The following PGLYRP3 variants were observed in gnomAD, a reference collection of about 807,000 sequenced individuals.
The protein encoded by PGLYRP3 is peptidoglycan recognition protein I alpha.
PGLYRP3 carries 39 observed loss-of-function variants against 36.0 expected under a neutral mutation model. That is an observed-to-expected ratio of 1.08 (90% CI 0.84 to 1.41). PGLYRP3 has a LOEUF of 1.41. Ranked by LOEUF, PGLYRP3 falls within the 40% of genes most tolerant of loss-of-function variation. PGLYRP3 has a pLI of 0.00. For missense variants in PGLYRP3, 407 were observed against 427.9 expected (o/e 0.95, Z 0.43); for synonymous variants, 204 against 172.8 (o/e 1.18, Z -1.42).
rs1159432245 is a variant in PGLYRP3, at chr1:153,297,451, GGAGAGA to G, written c.*499_*504del. 2.7e-4 allele frequency among the ~76,000 whole-genome samples: 10 copies of G among 37,384 alleles called. No individual in the cohort carries two copies. Among genetic ancestry groups the G allele is most frequent in the African/African-American group, 8.2e-4 (8 of 9,762 alleles). The allele number at this position is 37,384 out of a possible 152,430, so 24.5% of individuals were successfully genotyped here. A position where few individuals can be genotyped will look rare whatever the true frequency, so the allele number is the denominator to read the frequency against. On this transcript the variant is annotated 3_prime_UTR_variant, in exon 8 of 8. Transcript: ENST00000683862. ...TCACCAGGCAGAGGCGGGGAGAGGGGGAGAGAGAGAGAGAGAGAGAGAGAGTGAGAA... is the reference window on the plus strand; with the variant it reads ...TCACCAGGCAGAGGCGGGGAGAGGGGGAGAGAGAGAGAGAGAGAGTGAGAA...
Position 153,307,132 on chromosome 1 carries a change from C to T in PGLYRP3, c.191G>A (p.Ser64Asn), listed in dbSNP as rs200029112. The T allele has an allele frequency of 4.3e-6, 7 of 1,613,188 alleles. No individual in the cohort carries two copies. Among genetic ancestry groups the T allele is most frequent in the East Asian group, 2.2e-5 (1 of 44,846 alleles). Reference protein sequence around the residue: ...GMQCQQQSVCSQMLRGLQSHS... With the variant: ...GMQCQQQSVCNQMLRGLQSHS... ...GGACTGCAACCCCCGCAGCATCTGG[C>T]TGCAAACGCTCTGCTGCTGGCACTG... is the stretch of plus-strand genomic sequence containing the variant. Residue 64 changes from serine (S) to asparagine (N), a missense_variant, in exon 3 of 8, where the codon AGC (serine) becomes AAC (asparagine). Coordinates refer to ENST00000683862, the MANE Select transcript of PGLYRP3 (RefSeq NM_052891.3).
At chr1:153,307,023 G>A (rs368951441) in intron 3 of PGLYRP3, 43 bp downstream of exon 3, 82 of 1,591,476 alleles carry the variant, frequency 5.2e-5, no homozygotes, top group South Asian at 6.7e-5. Context: ...AAGCACCCCC[G>A]TGACTTTGGA....
intron 5 of PGLYRP3, among the ~76,000 whole-genome samples, chr1:153,303,441 T>C (rs535639366): frequency 6.6e-6 from 1 of 152,348 alleles, no homozygotes; most frequent in African/African-American, 2.4e-5. Context: ...TTTTTCTCCA[T>C]AGCTTTTATG....
At chr1:153,304,080 G>A in intron 4 of PGLYRP3, 71 bp from the exon 5 acceptor site, 2 of 1,436,576 alleles carry the variant, frequency 1.4e-6, no homozygotes, top group Non-Finnish European at 1.9e-6. Flanking sequence ...CCTGCAGAAA[G>A]GATGATATGA....
chr1:153,312,280 C>T (rs2101530297), intron 1 of PGLYRP3, among the ~76,000 whole-genome samples: 1 of 152,266 alleles, frequency 6.6e-6, no homozygotes, highest in East Asian at 1.9e-4. Flanking sequence ...CAAGGATTTA[C>T]CACCTTGGCT....
chr1:153,311,790 T>G (rs1659901912), intron 1 of PGLYRP3, among the ~76,000 whole-genome samples: 1 of 152,156 alleles, frequency 6.6e-6, no homozygotes, highest in South Asian at 2.1e-4. Flanking sequence ...AATGGAAAAT[T>G]TTTAAAACCA....
At position 153,310,511 on chromosome 1, in the gene PGLYRP3, A is replaced by G. The variant is rs1478345801; in HGVS notation, c.55+100T>C. On this transcript the variant is annotated intron_variant, in intron 2 of 7. Coordinates refer to ENST00000683862, the MANE Select transcript of PGLYRP3 (RefSeq NM_052891.3). ...AAATTGCAAAGCTACACTATCCACT[A>G]ACAAAGTGAAAGCACTCGGATGGGT... 7 of 1,280,652 alleles carry G rather than the reference A, an allele frequency of 5.5e-6. No homozygotes were observed. The South Asian group carries it at 7.2e-5, about 13-fold the overall frequency. 79.3% of individuals were successfully genotyped at this position (1,280,652 alleles called of 1,614,324 possible). A position where few individuals can be genotyped will look rare whatever the true frequency, so the allele number is the denominator to read the frequency against.
rs918244220 is a variant in PGLYRP3, at chr1:153,297,581, G to GAAAGAAAGAAAGAAAGAAAGAAAGA, written c.*374_*375insTCTTTCTTTCTTTCTTTCTTTCTTT. 2.7e-4 allele frequency among the ~76,000 whole-genome samples: 13 copies of GAAAGAAAGAAAGAAAGAAAGAAAGA among 48,468 alleles called. No individual in the cohort carries two copies. The highest frequency in any genetic ancestry group is 8.9e-4 in the African/African-American group (13 of 14,568). 31.8% of individuals were successfully genotyped at this position (48,468 alleles called of 152,430 possible). A position where few individuals can be genotyped will look rare whatever the true frequency, so the allele number is the denominator to read the frequency against. ...AAAGAAAAAGAAAGAAAGAAAGAAA[G>GAAAGAAAGAAAGAAAGAAAGAAAGA]AAGAAAGAAAGAAAGAAAGAAAGAG... On this transcript the variant is annotated 3_prime_UTR_variant, in exon 8 of 8. Transcript: ENST00000683862.
intron 6 of PGLYRP3, among the ~76,000 whole-genome samples, chr1:153,299,919 G>A (rs1204977551): frequency 1.3e-5 from 2 of 152,066 alleles, no homozygotes; most frequent in Non-Finnish European, 2.9e-5. Context: ...CAACTGCCAC[G>A]ATCCCACTGC....
chr1:153,312,652 C>G lies in PGLYRP3; in HGVS notation c.-51G>C, dbSNP rs146124005. Among the ~76,000 whole-genome samples, 1 of 152,016 alleles carries G rather than the reference C, an allele frequency of 6.6e-6. No individual in the cohort carries two copies. The highest frequency in any genetic ancestry group is 1.5e-5 in the Non-Finnish European group (1 of 68,006). ...TCAAACTCACAGATACCTGTGGGTT[C>G]TGTGCTGTTCCAGCCCAGCAGGTCA... On this transcript the variant is annotated 5_prime_UTR_variant, in exon 1 of 8. Coordinates refer to ENST00000683862, the MANE Select transcript of PGLYRP3 (RefSeq NM_052891.3).
At chr1:153,311,479 C>G (rs1458269685) in intron 1 of PGLYRP3, among the ~76,000 whole-genome samples, 1 of 152,154 alleles carries the variant, frequency 6.6e-6, no homozygotes, top group African/African-American at 2.4e-5. Flanking sequence ...TCCAGAGCCT[C>G]TGCCTGAAAC....
At chr1:153,300,271 G>A (rs963912401) in intron 6 of PGLYRP3, among the ~76,000 whole-genome samples, 2 of 151,974 alleles carry the variant, frequency 1.3e-5, no homozygotes, top group Non-Finnish European at 2.9e-5. Flanking sequence ...AAACCCCACT[G>A]CTTATCCATG....
intron 2 of PGLYRP3, among the ~76,000 whole-genome samples, chr1:153,307,880 T>C (rs760974702): frequency 6.6e-6 from 1 of 152,070 alleles, no homozygotes; most frequent in Non-Finnish European, 1.5e-5. Context: ...GGGCTCCCTT[T>C]CTCCATTCTC....
intron 6 of PGLYRP3, among the ~76,000 whole-genome samples, chr1:153,299,812 G>A (rs1353229908): frequency 6.6e-6 from 1 of 152,106 alleles, no homozygotes; most frequent in East Asian, 1.9e-4. Context: ...CACCCTGAAT[G>A]CCTTCTACCC....
rs1219078922 is a variant in PGLYRP3 at position 153,297,556 on chromosome 1, A to G, written c.*400T>C. On this transcript the variant is annotated 3_prime_UTR_variant, in exon 8 of 8. Coordinates refer to ENST00000683862, the MANE Select transcript of PGLYRP3 (RefSeq NM_052891.3). ...GAAGGAAGGAAGGAAGGAAGGAAAG[A>G]AAGAAAAAGAAAGAAAGAAAGAAAG... 1.1e-5 allele frequency among the ~76,000 whole-genome samples: 1 copy of G among 93,878 alleles called. No individual in the cohort carries two copies. Among genetic ancestry groups the G allele is most frequent in the Non-Finnish European group, 2.5e-5 (1 of 40,606 alleles). The allele number at this position is 93,878 out of a possible 152,430, so 61.6% of individuals were successfully genotyped here.
chr1:153,307,210 G>A lies in PGLYRP3; in HGVS notation c.113C>T (p.Ala38Val). 1.2e-6 allele frequency: 2 copies of A among 1,611,688 alleles called. No homozygotes were observed. The highest frequency in any genetic ancestry group is 1.7e-6 in the Non-Finnish European group (2 of 1,179,124). ...GTAGGCCACAGGCAGGGTCAGCAGG[G>A]CCCTGCAGGCGAGCGGTCTTGCCCC... Reference protein sequence around the residue: ...EWGARPLACRALLTLPVAYII... With the variant: ...EWGARPLACRVLLTLPVAYII... Residue 38 changes from alanine (A) to valine (V), a missense_variant, in exon 3 of 8, where the codon GCC becomes GTC. Ala to Val is a moderately conservative substitution (Grantham distance 64, BLOSUM62 0). Transcript: ENST00000683862.
intron 1 of PGLYRP3, 57 bp from the exon 2 acceptor site, chr1:153,310,763 A>G: frequency 1.8e-6 from 2 of 1,084,516 alleles, no homozygotes; most frequent in Non-Finnish European, 2.8e-6. Flanking sequence ...TGGAGCACCC[A>G]CCTACTATGT....
intron 2 of PGLYRP3, among the ~76,000 whole-genome samples, chr1:153,307,702 C>A (rs1298947216): frequency 1.3e-5 from 2 of 152,164 alleles, no homozygotes; most frequent in East Asian, 3.9e-4. Flanking sequence ...GTCTTCCCCT[C>A]CCCTAAGAAC....
intron 5 of PGLYRP3, among the ~76,000 whole-genome samples, chr1:153,303,489 C>T (rs1659654149): frequency 6.6e-6 from 1 of 152,130 alleles, no homozygotes; most frequent in Non-Finnish European, 1.5e-5. Flanking sequence ...TTATTTTGTT[C>T]ATTTTCTGTC....
Sources: allele counts gnomAD v4.1 joint callset (sites outside exome capture counted in the v4.1 genomes callset), GRCh38; gene constraint gnomAD v4.1.1; transcripts MANE v1.5; gene names NCBI Gene and HGNC (gene_info 2026-07-23, HGNC 2026-07-21).